Variants in SIPA1L3 observed in about 807,000 individuals in gnomAD.
The protein encoded by SIPA1L3 is signal-induced proliferation-associated 1-like protein 3.
A neutral mutation model predicts 150.1 loss-of-function variants in SIPA1L3; 59 were observed. The observed-to-expected ratio is 0.39, with a 90% CI of 0.32 to 0.49. The LOEUF (loss-of-function observed/expected upper bound fraction) is 0.49. Ranked by LOEUF, SIPA1L3 falls within the 20% of genes least tolerant of loss-of-function variation. SIPA1L3 has a pLI of 0.86. For synonymous variants in SIPA1L3, 1,070 were observed against 1,077.6 expected (o/e 0.99, Z 0.14); for missense variants, 2,211 against 2,489.5 (o/e 0.89, Z 2.38).
At chr19:38,160,328 G>T (rs768797767) in intron 13 of SIPA1L3, among the ~76,000 whole-genome samples, 2 of 151,160 alleles carry the variant, frequency 1.3e-5, no homozygotes, top group Non-Finnish European at 3.0e-5. Flanking sequence ...TTTTTTTAAG[G>T]TCAGCAAGAT....
intron 1 of SIPA1L3, among the ~76,000 whole-genome samples, chr19:37,966,227 G>A (rs1028871717): frequency 1.3e-5 from 2 of 152,230 alleles, no homozygotes; most frequent in Non-Finnish European, 2.9e-5. Context: ...CTCAGGAGGA[G>A]GAATCGGCAC....
chr19:37,914,959 A>G (rs1003957011), intron 1 of SIPA1L3, among the ~76,000 whole-genome samples: 1 of 152,372 alleles, frequency 6.6e-6, no homozygotes, highest in Admixed American at 6.5e-5. Flanking sequence ...AGATGAGGAA[A>G]CTGATTCCAC....
At chr19:38,111,422 C>G (rs1970739041) in intron 8 of SIPA1L3, among the ~76,000 whole-genome samples, 1 of 152,178 alleles carries the variant, frequency 6.6e-6, no homozygotes, top group African/African-American at 2.4e-5. Context: ...CTCCTGTCCT[C>G]TACTGATGGG....
rs771578606 is a variant in SIPA1L3 at position 38,162,277 on chromosome 19, A to G, written c.3686A>G (p.Gln1229Arg). ...GAGCCTTTGTGGCATGTGCCTGCCC[A>G]GGCCAGGCTCTCAGCCATAGCCGGA... The part of the protein sequence containing the change: ...KPEPLWHVPA[Q>R]ARLSAIAGSS... The change falls in exon 14 of 22, where the codon CAG becomes CGG. Residue 1229 changes from glutamine to arginine, a missense_variant. Gln to Arg is a conservative substitution (Grantham distance 43, BLOSUM62 1). Transcript: ENST00000222345. 1 of 1,614,160 alleles carries G rather than the reference A, an allele frequency of 6.2e-7. No individual in the cohort carries two copies. The highest frequency in any genetic ancestry group is 8.5e-7 in the Non-Finnish European group (1 of 1,179,966).
chr19:38,187,086 G>A (rs532770645), intron 16 of SIPA1L3, among the ~76,000 whole-genome samples: 20 of 151,824 alleles, frequency 1.3e-4, no homozygotes, highest in African/African-American at 4.1e-4. Context: ...AGGCCGAGGC[G>A]GGGGAATTAC....
intron 15 of SIPA1L3, among the ~76,000 whole-genome samples, chr19:38,166,533 C>T (rs923607199): frequency 1.1e-4 from 16 of 152,004 alleles, no homozygotes; most frequent in African/African-American, 3.6e-4. Flanking sequence ...CACACACTGA[C>T]GTTCGGATGG....
At position 38,065,834 on chromosome 19, in the gene SIPA1L3, C is replaced by CTATTTATTTATTTATTTATTTATT. The variant is rs74176412; in HGVS notation, c.-310-15416_-310-15393dup. 3.2e-3 allele frequency among the ~76,000 whole-genome samples: 449 copies of CTATTTATTTATTTATTTATTTATT among 141,076 alleles called. 10 individuals are homozygous for CTATTTATTTATTTATTTATTTATT. Among genetic ancestry groups the CTATTTATTTATTTATTTATTTATT allele is most frequent in the African/African-American group, 0.011 (422 of 37,094 alleles). The allele number at this position is 141,076 out of a possible 152,430, so 92.6% of individuals were successfully genotyped here. ...ATGCATTACACATAGCTCTACCTTG[C>CTATTTATTTATTTATTTATTTATT]TATTTATTTATTTATTTATTTATTT... On this transcript the variant is annotated intron_variant, in intron 2 of 21. Transcript: ENST00000222345.
At chr19:37,999,425 A>T (rs2044827097) in intron 1 of SIPA1L3, among the ~76,000 whole-genome samples, 1 of 152,210 alleles carries the variant, frequency 6.6e-6, no homozygotes, top group Non-Finnish European at 1.5e-5. Context: ...CTGGACGCAC[A>T]TGAGCAGTCT....
At position 38,101,184 on chromosome 19, in the gene SIPA1L3, C is replaced by T. The variant is rs1380988287; in HGVS notation, c.1987C>T (p.Leu663=). 2.5e-6 allele frequency: 4 copies of T among 1,603,430 alleles called. No individual in the cohort carries two copies. The Admixed American group carries it at 6.9e-5, about 28-fold the overall frequency. ...CTCCCTCATCGGCGAGAAGGTCTGC[C>T]TGAAGGGCTTCACCAAGTACGCTGC... ...FLSLIGEKVC[L]KGFTKYAAQL... The change falls in exon 6 of 22, where the codon CTG becomes TTG. Residue 663 remains leucine (L), a synonymous_variant. Coordinates refer to ENST00000222345, the MANE Select transcript of SIPA1L3 (RefSeq NM_015073.3).
chr19:38,058,550 A>G (rs1037677785), intron 2 of SIPA1L3, among the ~76,000 whole-genome samples: 8 of 152,040 alleles, frequency 5.3e-5, no homozygotes, highest in Non-Finnish European at 7.4e-5. Context: ...GGGAGTGCAC[A>G]TTCCCCCAGG....
chr19:38,091,878 C>T (rs1037949170), intron 4 of SIPA1L3, among the ~76,000 whole-genome samples: 1 of 151,352 alleles, frequency 6.6e-6, no homozygotes, highest in Admixed American at 6.6e-5. Flanking sequence ...GCCAACATGG[C>T]GAAACCCTGT....
At chr19:38,050,298 A>T (rs1421090657) in intron 2 of SIPA1L3, among the ~76,000 whole-genome samples, 1 of 152,110 alleles carries the variant, frequency 6.6e-6, no homozygotes, top group African/African-American at 2.4e-5. Context: ...TCCACTAAAA[A>T]TGCAAAAATT....
intron 12 of SIPA1L3, among the ~76,000 whole-genome samples, chr19:38,145,090 G>A (rs1431978945): frequency 6.6e-6 from 1 of 152,186 alleles, no homozygotes; most frequent in African/African-American, 2.4e-5. Flanking sequence ...TGACTCACCA[G>A]TAACAAAGGT....
intron 12 of SIPA1L3, among the ~76,000 whole-genome samples, chr19:38,146,935 T>C (rs1301122624): frequency 6.6e-6 from 1 of 152,206 alleles, no homozygotes; most frequent in Non-Finnish European, 1.5e-5. Context: ...CTAAGAGTTC[T>C]TTGGACATTC....
At chr19:38,095,480 A>T (rs936172194) in intron 4 of SIPA1L3, among the ~76,000 whole-genome samples, 2 of 152,142 alleles carry the variant, frequency 1.3e-5, no homozygotes, top group Non-Finnish European at 2.9e-5. Context: ...AGTGGGGATA[A>T]CCTGTACCAG....
intron 1 of SIPA1L3, among the ~76,000 whole-genome samples, chr19:38,022,541 T>TACACACACACACAC (rs370159585): frequency 0.025 from 3,718 of 148,276 alleles, 138 homozygotes; most frequent in African/African-American, 0.085. Flanking sequence ...CTACTAAAAA[T>TACACACACACACAC]ACACAGACAC....
intron 21 of SIPA1L3, 37 bp from the exon 22 acceptor site, chr19:38,206,060 G>C (rs1161173872): frequency 6.6e-7 from 1 of 1,510,080 alleles, no homozygotes; most frequent in Non-Finnish European, 8.9e-7. Flanking sequence ...GAGCGGCCAA[G>C]CCCACCCGCC....
chr19:37,997,650 C>T (rs62120140), intron 1 of SIPA1L3, among the ~76,000 whole-genome samples: 9 of 147,704 alleles, frequency 6.1e-5, no homozygotes, highest in East Asian at 2.0e-4. Context: ...AGGTGGATCA[C>T]GAGGTCAAGA....
At chr19:37,988,107 C>T (rs577358190) in intron 1 of SIPA1L3, among the ~76,000 whole-genome samples, 61 of 152,316 alleles carry the variant, frequency 4.0e-4, no homozygotes, top group Non-Finnish European at 1.2e-4. Flanking sequence ...GGCTCCTGCC[C>T]TACCTCTCCT....
Sources: gnomAD v4.1 joint callset for allele counts (sites outside exome capture counted in the v4.1 genomes callset) on GRCh38, gnomAD v4.1.1 for gene constraint, MANE v1.5 for transcripts, NCBI Gene and HGNC (gene_info 2026-07-23, HGNC 2026-07-21) for gene names.